Variants in OR6J1 observed in about 807,000 individuals in gnomAD.
OR6J1 encodes the protein olfactory receptor 6J1.
For missense variants in OR6J1, 304 were observed against 166.8 expected (o/e 1.82, Z -4.53); for synonymous variants, 109 against 70.0 (o/e 1.56, Z -2.78).
intron 1 of OR6J1, among the ~76,000 whole-genome samples, chr14:22,641,485 AAGGAAGG>A (rs2037651972): frequency 4.8e-5 from 5 of 104,846 alleles, no homozygotes; most frequent in Non-Finnish European, 8.5e-5. Context: ...GAAAGGAAGG[AAGGAAGG>A]AGGGAGGGAG....
At position 22,636,932 on chromosome 14, in the gene OR6J1, C is replaced by T. The variant is rs1440638483; in HGVS notation, c.-27-2094G>A. 3.6e-4 allele frequency among the ~76,000 whole-genome samples: 44 copies of T among 121,678 alleles called. 1 individual carries two copies. Among genetic ancestry groups the T allele is most frequent in the African/African-American group, 8.3e-4 (19 of 23,004 alleles). The allele number at this position is 121,678 out of a possible 152,430, so 79.8% of individuals were successfully genotyped here. On this transcript the variant is annotated intron_variant, in intron 1 of 1. Transcript: ENST00000540461. Reference sequence around the variant, plus strand: ...GCTGCCCAGTCTGGAAAGTGAGGAGCGTCTCTGCCCGGCCGCCATCCCATC... The same window carrying T: ...GCTGCCCAGTCTGGAAAGTGAGGAGTGTCTCTGCCCGGCCGCCATCCCATC...
In OR6J1 at chr14:22,634,510, T is replaced by C; in HGVS notation, c.302A>G (p.Tyr101Cys). 1.4e-6 allele frequency: 1 copy of C among 703,322 alleles called. No homozygotes were observed. The allele number at this position is 703,322 out of a possible 1,614,324, so 43.6% of individuals were successfully genotyped here. The change falls in exon 2 of 2, where the codon TAT becomes TGT. Residue 101 changes from tyrosine (Y) to cysteine (C), a missense_variant. Tyr to Cys is a radical substitution (Grantham distance 194). Coordinates refer to ENST00000540461, the MANE Select transcript of OR6J1 (RefSeq NM_001348233.2). ...AACTGTGCCCAAGAAAAAGTAGAAA[T>C]AGCACTGGGTGATACATCCGGCAAA... ...ISFAGCITQC[Y>C]FYFFLGTVEF...
chr14:22,640,199 A>C (rs2139297069), intron 1 of OR6J1, among the ~76,000 whole-genome samples: 1 of 117,678 alleles, frequency 8.5e-6, no homozygotes, highest in Admixed American at 8.7e-5. Context: ...GAGGGAGGGA[A>C]AAGAGAGAGG....
chr14:22,639,093 C>A (rs2037620665), intron 1 of OR6J1, among the ~76,000 whole-genome samples: 1 of 86,908 alleles, frequency 1.2e-5, no homozygotes, highest in African/African-American at 7.9e-5. Flanking sequence ...CTGGCAACCA[C>A]CCCATCTGAG....
At position 22,637,887 on chromosome 14, in the gene OR6J1, T is replaced by C. The variant is rs1240312582; in HGVS notation, c.-27-3049A>G. Among the ~76,000 whole-genome samples, 16 of 24,306 alleles carry C rather than the reference T, an allele frequency of 6.6e-4. 2 individuals are homozygous for C. Among genetic ancestry groups the C allele is most frequent in the Admixed American group, 2.1e-3 (8 of 3,876 alleles). The allele number at this position is 24,306 out of a possible 152,430, so 15.9% of individuals were successfully genotyped here. On this transcript the variant is annotated intron_variant, in intron 1 of 1. Coordinates refer to ENST00000540461, the MANE Select transcript of OR6J1 (RefSeq NM_001348233.2). The stretch of plus-strand genomic sequence containing the variant: ...GGGGGGTGGGGTCGGCCAGCCGCCC[T>C]GTCCGGGAGGGAGGTGGGGGGGTCA...
In OR6J1 at chr14:22,633,870, C is replaced by A; in HGVS notation, c.942G>T (p.Arg314Ser). The change falls in exon 2 of 2, where the codon AGG becomes AGT. Residue 314 changes from arginine to serine, a missense_variant. Arg to Ser is a moderately radical substitution (Grantham distance 110, BLOSUM62 -1). Coordinates refer to ENST00000540461, the MANE Select transcript of OR6J1 (RefSeq NM_001348233.2). Reference protein sequence around the residue: ...WVRVRGVFEKRMRAVLRSRLS... With the variant: ...WVRVRGVFEKSMRAVLRSRLS... ...ATCTGCTTCTCAGCACTGCCCTCAT[C>A]CTCTTTTCAAAAACTCCTCGAACCC... 1 of 702,864 alleles carries A rather than the reference C, an allele frequency of 1.4e-6. No individual in the cohort carries two copies. The highest frequency in any genetic ancestry group is 2.6e-6 in the Non-Finnish European group (1 of 384,850). The allele number at this position is 702,864 out of a possible 1,614,324, so 43.5% of individuals were successfully genotyped here.
In OR6J1 at chr14:22,633,880, A is replaced by C. The variant is rs1263430135; in HGVS notation, c.932T>G (p.Phe311Cys). The C allele has an allele frequency of 1.4e-6, 1 of 702,886 alleles. No individual in the cohort carries two copies. The highest frequency in any genetic ancestry group is 1.5e-5 in the South Asian group (1 of 67,584). 43.5% of individuals were successfully genotyped at this position (702,886 alleles called of 1,614,324 possible). The change falls in exon 2 of 2, where the codon TTT (phenylalanine) becomes TGT (cysteine). Residue 311 changes from phenylalanine to cysteine, a missense_variant. Physicochemically the swap from Phe to Cys is radical, Grantham distance 205. Coordinates refer to ENST00000540461, the MANE Select transcript of OR6J1 (RefSeq NM_001348233.2). ...RDVWVRVRGV[F>C]EKRMRAVLRS... is the part of the protein sequence containing the mutation. ...CAGCACTGCCCTCATCCTCTTTTCA[A>C]AAACTCCTCGAACCCTGACCCACAC...
At chr14:22,636,620 T>G (rs1409835517) in intron 1 of OR6J1, among the ~76,000 whole-genome samples, 9 of 117,926 alleles carry the variant, frequency 7.6e-5, no homozygotes, top group Admixed American at 1.5e-4. Flanking sequence ...TTTGCTGTGT[T>G]GGCCGGGCTG....
chr14:22,642,572 T>A (rs2037660688), intron 1 of OR6J1, among the ~76,000 whole-genome samples: 1 of 151,712 alleles, frequency 6.6e-6, no homozygotes, highest in Non-Finnish European at 1.5e-5. Context: ...ACTCCTGACC[T>A]CATGATCTTC....
At chr14:22,641,709 A>T (rs1358241330) in intron 1 of OR6J1, among the ~76,000 whole-genome samples, 1 of 143,762 alleles carries the variant, frequency 7.0e-6, no homozygotes, top group African/African-American at 2.5e-5. Context: ...AGAGATGGTA[A>T]AAAAAATTGC....
rs1035049853 is a variant in OR6J1 at position 22,644,108 on chromosome 14, G to A, written c.-38C>T. 2.0e-5 allele frequency: 3 copies of A among 152,392 alleles called. No individual in the cohort carries two copies. Among genetic ancestry groups the A allele is most frequent in the African/African-American group, 7.2e-5 (3 of 41,426 alleles). The allele number at this position is 152,392 out of a possible 1,614,324, so 9.4% of individuals were successfully genotyped here. On this transcript the variant is annotated 5_prime_UTR_variant, in exon 1 of 2. Transcript: ENST00000540461. Reference sequence around the variant, plus strand: ...TTGGTCTGCACTCACCTCGGCTAGGGTTGCCTTATGCCACCTCCACGGCTC... The same window carrying A: ...TTGGTCTGCACTCACCTCGGCTAGGATTGCCTTATGCCACCTCCACGGCTC...
At position 22,631,672 on chromosome 14, in the gene OR6J1, G is replaced by C. The variant is rs947804053; in HGVS notation, c.*2096C>G. 4 of 152,252 alleles carry C rather than the reference G, an allele frequency of 2.6e-5. No individual in the cohort carries two copies. In the East Asian group the frequency reaches 7.7e-4, roughly 29 times the overall value. 9.4% of individuals were successfully genotyped at this position (152,252 alleles called of 1,614,324 possible). A position where few individuals can be genotyped will look rare whatever the true frequency, so the allele number is the denominator to read the frequency against. On this transcript the variant is annotated 3_prime_UTR_variant, in exon 2 of 2. Coordinates refer to ENST00000540461, the MANE Select transcript of OR6J1 (RefSeq NM_001348233.2). ...CATCTTCCTCAGCTGACAGGATTAA[G>C]AGATTAAAGACAGGCATAGGAAATC...
chr14:22,640,425 CAG>C (rs905273015), intron 1 of OR6J1, among the ~76,000 whole-genome samples: 5 of 147,716 alleles, frequency 3.4e-5, no homozygotes, highest in Non-Finnish European at 6.0e-5. Flanking sequence ...GATATGCTCA[CAG>C]AGTTGAATAT....
intron 1 of OR6J1, among the ~76,000 whole-genome samples, chr14:22,636,222 A>AGCGCCC (rs1251569480): frequency 1.1e-4 from 10 of 95,220 alleles, no homozygotes; most frequent in Non-Finnish European, 1.6e-4. Context: ...TTAAGACACT[A>AGCGCCC]GCGCCCTCTC....
rs2037546232 is a variant in OR6J1 at position 22,631,489 on chromosome 14, A to C, written c.*2279T>G. ...AATATGGCTCTGTTCCCCCCGGCTCACCAGCGGTCAGAGTTTAAGGTTGTC... is the reference window on the plus strand; with the variant it reads ...AATATGGCTCTGTTCCCCCCGGCTCCCCAGCGGTCAGAGTTTAAGGTTGTC... On this transcript the variant is annotated 3_prime_UTR_variant, in exon 2 of 2. Transcript: ENST00000540461. 1 of 152,174 alleles carries C rather than the reference A, an allele frequency of 6.6e-6. No homozygotes were observed. Among genetic ancestry groups the C allele is most frequent in the Non-Finnish European group, 1.5e-5 (1 of 68,032 alleles). 9.4% of individuals were successfully genotyped at this position (152,174 alleles called of 1,614,324 possible).
intron 1 of OR6J1, among the ~76,000 whole-genome samples, chr14:22,639,373 C>G (rs1294652367): frequency 7.8e-6 from 1 of 127,574 alleles, no homozygotes; most frequent in Non-Finnish European, 1.6e-5. Flanking sequence ...GGGGGTCAGC[C>G]CCCCGCCCGG....
In OR6J1 at chr14:22,641,350, GAAGA is replaced by G. The variant is rs1415750669; in HGVS notation, c.-28+2744_-28+2747del. Among the ~76,000 whole-genome samples the G allele has an allele frequency of 3.3e-3, 441 of 132,136 alleles. 34 individuals are homozygous for G. Among genetic ancestry groups the G allele is most frequent in the African/African-American group, 0.012 (405 of 35,126 alleles). 86.7% of individuals were successfully genotyped at this position (132,136 alleles called of 152,430 possible). A position where few individuals can be genotyped will look rare whatever the true frequency, so the allele number is the denominator to read the frequency against. ...GGAAGGAAGAAAGGAGGGAGGGAGG[GAAGA>G]AAGAAAGAAAGGGGGGAGAGAAGAA... On this transcript the variant is annotated intron_variant, in intron 1 of 1. Coordinates refer to ENST00000540461, the MANE Select transcript of OR6J1 (RefSeq NM_001348233.2).
intron 1 of OR6J1, among the ~76,000 whole-genome samples, chr14:22,642,194 T>C (rs1329175551): frequency 2.0e-5 from 3 of 151,812 alleles, no homozygotes; most frequent in Non-Finnish European, 4.4e-5. Context: ...TTTTCTTTCT[T>C]AACAGCTTTA....
At position 22,631,745 on chromosome 14, in the gene OR6J1, T is replaced by A. The variant is rs11849335; in HGVS notation, c.*2023A>T. 0.25 allele frequency: 37,645 copies of A among 153,408 alleles called. 5,219 individuals carry two copies. Among genetic ancestry groups the A allele is most frequent in the African/African-American group, 0.36 (14,741 of 41,448 alleles). 9.5% of individuals were successfully genotyped at this position (153,408 alleles called of 1,614,324 possible). ...TGATAAGTGTCCATGAAATCTTCAC[T>A]ATCCACATTCTTCTGCCATGGCTTC... On this transcript the variant is annotated 3_prime_UTR_variant, in exon 2 of 2. Transcript: ENST00000540461.
Sources: gnomAD v4.1 joint callset for allele counts (sites outside exome capture counted in the v4.1 genomes callset) on GRCh38, gnomAD v4.1.1 for gene constraint, MANE v1.5 for transcripts, NCBI Gene and HGNC (gene_info 2026-07-23, HGNC 2026-07-21) for gene names.